SDK1: variants seen among roughly 807,000 people sequenced by gnomAD.
The protein encoded by SDK1 is sidekick cell adhesion molecule 1.
A neutral mutation model predicts 245.5 loss-of-function variants in SDK1; 157 were observed. The observed-to-expected ratio is 0.64, with a 90% CI of 0.56 to 0.73. The LOEUF (loss-of-function observed/expected upper bound fraction) is 0.73. SDK1 is among the 30% of genes least tolerant of loss of function. The probability of loss-of-function intolerance (pLI) is 0.00; values close to 1 mark genes in which losing one functional copy is unlikely to be tolerated. For synonymous variants in SDK1, 1,647 were observed against 1,278.5 expected (o/e 1.29, Z -6.15); for missense variants, 3,583 against 3,002.3 (o/e 1.19, Z -4.52).
chr7:3,937,646 C>A (rs1428362591), intron 5 of SDK1, among the ~76,000 whole-genome samples: 1 of 152,206 alleles, frequency 6.6e-6, no homozygotes, highest in Non-Finnish European at 1.5e-5. Context: ...CTCGTTTCAA[C>A]TTTGAAAAGA....
chr7:3,477,469 CGT>C (rs1781382504), intron 1 of SDK1, among the ~76,000 whole-genome samples: 1 of 150,468 alleles, frequency 6.6e-6, no homozygotes, highest in East Asian at 2.0e-4. Flanking sequence ...TGGGATTACA[CGT>C]GTGAGCCACC....
intron 4 of SDK1, among the ~76,000 whole-genome samples, chr7:3,803,549 G>A (rs1779165326): frequency 6.6e-6 from 1 of 151,564 alleles, no homozygotes; most frequent in South Asian, 2.1e-4. Flanking sequence ...GACCTCAAGT[G>A]ACTCACCCAC....
intron 1 of SDK1, among the ~76,000 whole-genome samples, chr7:3,317,261 T>G (rs2128545668): frequency 6.6e-6 from 1 of 151,664 alleles, no homozygotes; most frequent in Admixed American, 6.6e-5. Context: ...AATCCTATTT[T>G]ACATAAAAGA....
intron 5 of SDK1, among the ~76,000 whole-genome samples, chr7:3,919,452 G>C (rs555150061): frequency 6.6e-6 from 1 of 152,374 alleles, no homozygotes; most frequent in South Asian, 2.1e-4. Context: ...AGTGACGACA[G>C]ATGACAATTG....
chr7:3,998,057 C>T (rs1421990364), intron 14 of SDK1, among the ~76,000 whole-genome samples: 1 of 152,246 alleles, frequency 6.6e-6, no homozygotes, highest in East Asian at 1.9e-4. Flanking sequence ...GGCAGGGATC[C>T]TGCCTGCTCC....
At chr7:3,678,474 G>C (rs1340214741) in intron 4 of SDK1, among the ~76,000 whole-genome samples, 1 of 152,178 alleles carries the variant, frequency 6.6e-6, no homozygotes, top group East Asian at 1.9e-4. Context: ...TGCATCACGT[G>C]GACGAACTTT....
intron 1 of SDK1, among the ~76,000 whole-genome samples, chr7:3,528,208 GCT>G (rs1783214171): frequency 7.0e-6 from 1 of 142,214 alleles, no homozygotes; most frequent in Non-Finnish European, 1.5e-5. Context: ...GTGTCAGTTA[GCT>G]AGGGGGTGGG....
intron 7 of SDK1, among the ~76,000 whole-genome samples, chr7:3,952,673 A>G (rs914867042): frequency 7.9e-5 from 12 of 151,936 alleles, no homozygotes; most frequent in Non-Finnish European, 1.3e-4. Flanking sequence ...AAACTATCGG[A>G]TGTTACCTTT....
chr7:3,712,144 G>A (rs1364357435), intron 4 of SDK1, among the ~76,000 whole-genome samples: 1 of 152,020 alleles, frequency 6.6e-6, no homozygotes, highest in Non-Finnish European at 1.5e-5. Context: ...ACAGCAGGAG[G>A]CGCAGGGTGG....
chr7:3,333,434 A>G (rs1780119713), intron 1 of SDK1, among the ~76,000 whole-genome samples: 6 of 152,078 alleles, frequency 3.9e-5, no homozygotes, highest in Admixed American at 2.0e-4. Context: ...CTTGACTGTG[A>G]CTATGGAATG....
chr7:3,999,470 G>A (rs906969612), intron 14 of SDK1, among the ~76,000 whole-genome samples: 4 of 152,240 alleles, frequency 2.6e-5, no homozygotes, highest in Non-Finnish European at 4.4e-5. Context: ...TCAGGGAAGG[G>A]GGGTTCCCTG....
chr7:3,335,950 A>G (rs1385329198), intron 1 of SDK1, among the ~76,000 whole-genome samples: 1 of 152,168 alleles, frequency 6.6e-6, no homozygotes, highest in East Asian at 1.9e-4. Flanking sequence ...TGGCCACTCT[A>G]GAGTCCTGGG....
chr7:3,604,749 T>C (rs958180367), intron 1 of SDK1, among the ~76,000 whole-genome samples: 1 of 151,730 alleles, frequency 6.6e-6, no homozygotes, highest in Non-Finnish European at 1.5e-5. Flanking sequence ...ATTACAGGCA[T>C]GTGTCACTAC....
chr7:3,760,083 T>A (rs1056527369), intron 4 of SDK1, among the ~76,000 whole-genome samples: 2 of 151,962 alleles, frequency 1.3e-5, no homozygotes, highest in Non-Finnish European at 2.9e-5. Context: ...ACGTTGACTG[T>A]TTACGCATTG....
chr7:3,460,410 G>A (rs1468877335), intron 1 of SDK1, among the ~76,000 whole-genome samples: 1 of 152,174 alleles, frequency 6.6e-6, no homozygotes, highest in Non-Finnish European at 1.5e-5. Context: ...TTATGCTATT[G>A]AAAATATGAA....
intron 1 of SDK1, among the ~76,000 whole-genome samples, chr7:3,583,296 A>C (rs185413904): frequency 1.3e-5 from 2 of 152,338 alleles, no homozygotes; most frequent in Admixed American, 6.5e-5. Context: ...CTTTCTTAGT[A>C]AACAAATTTT....
At chr7:3,678,705 G>A (rs1783994871) in intron 4 of SDK1, among the ~76,000 whole-genome samples, 1 of 152,190 alleles carries the variant, frequency 6.6e-6, no homozygotes, top group African/African-American at 2.4e-5. Flanking sequence ...GATAGAAATA[G>A]TGGTGATATG....
intron 1 of SDK1, among the ~76,000 whole-genome samples, chr7:3,349,563 T>TG (rs1389101145): frequency 2.0e-5 from 3 of 152,160 alleles, no homozygotes; most frequent in Non-Finnish European, 2.9e-5. Flanking sequence ...AAGGAAACTG[T>TG]GGAAGTCATA....
chr7:3,389,913 C>G (rs13235472), intron 1 of SDK1, among the ~76,000 whole-genome samples: 1 of 152,106 alleles, frequency 6.6e-6, no homozygotes, highest in Non-Finnish European at 1.5e-5. Context: ...TTGCCTTGAA[C>G]AGACTGTTCA....
Sources: allele counts gnomAD v4.1 joint callset (sites outside exome capture counted in the v4.1 genomes callset), GRCh38; gene constraint gnomAD v4.1.1; transcripts MANE v1.5; gene names NCBI Gene and HGNC (gene_info 2026-07-23, HGNC 2026-07-21).